SEPTIN9: variants seen among roughly 807,000 people sequenced by gnomAD.
The protein encoded by SEPTIN9 is septin-9.
A neutral mutation model predicts 56.6 loss-of-function variants in SEPTIN9; 13 were observed. That is an observed-to-expected ratio of 0.23 (90% CI 0.15 to 0.37). The LOEUF (loss-of-function observed/expected upper bound fraction) is 0.37, where lower values mean the gene tolerates loss of function less well. Ranked by LOEUF, SEPTIN9 falls within the 10% of genes least tolerant of loss-of-function variation. SEPTIN9 has a pLI of 1.00. For missense variants in SEPTIN9, 650 were observed against 823.1 expected, an observed-to-expected ratio of 0.79 and a Z score of 2.57; for synonymous variants, 332 against 334.1, an observed-to-expected ratio of 0.99 and a Z score of 0.07.
intron 2 of SEPTIN9, among the ~76,000 whole-genome samples, chr17:77,328,571 G>T (rs887440174): frequency 6.6e-6 from 1 of 152,142 alleles, no homozygotes; most frequent in Non-Finnish European, 1.5e-5. Flanking sequence ...TCACCATGTT[G>T]GTCAGGCTGG....
chr17:77,388,574 G>A (rs1265679353), intron 2 of SEPTIN9, among the ~76,000 whole-genome samples: 1 of 152,110 alleles, frequency 6.6e-6, no homozygotes, highest in Non-Finnish European at 1.5e-5. Context: ...GTCATTCAGT[G>A]CCGGTCCTCC....
intron 3 of SEPTIN9, among the ~76,000 whole-genome samples, chr17:77,438,197 T>C (rs2037421053): frequency 6.6e-6 from 1 of 152,188 alleles, no homozygotes; most frequent in Admixed American, 6.5e-5. Flanking sequence ...ACGGAGCTGC[T>C]CCAGGCACTG....
In SEPTIN9 at chr17:77,307,143, G is replaced by A; in HGVS notation, c.22G>A (p.Gly8Ser). The A allele has an allele frequency of 6.2e-7, 1 of 1,613,928 alleles. No homozygotes were observed. MKKSYSGGTRTSSGRLRR... is the reference protein window; with the variant it reads MKKSYSGSTRTSSGRLRR... ...TTGCCCTTTGTCTCTGTCTTTAGGA[G>A]GCACGCGGACCTCCAGTGGCCGGCT... is the stretch of plus-strand genomic sequence containing the variant. Residue 8 changes from glycine (G) to serine (S), a missense_variant and splice_region_variant, in exon 2 of 12, where the codon GGC (glycine) becomes AGC (serine). By Grantham distance (56) the Gly-to-Ser change is moderately conservative (BLOSUM62 0). This residue lies in a region of SEPTIN9 where 317 missense variants were observed against 329.1 expected (regional missense o/e 0.96). Transcript: ENST00000427177.
At chr17:77,473,445 C>T (rs1271201608) in intron 3 of SEPTIN9, among the ~76,000 whole-genome samples, 1 of 152,154 alleles carries the variant, frequency 6.6e-6, no homozygotes, top group Non-Finnish European at 1.5e-5. Context: ...GTTGCCCAGG[C>T]TGGTCTTGAA....
rs1314652771 is a variant in SEPTIN9 at position 77,435,889 on chromosome 17, C to T, written c.721+33186C>T. Among the ~76,000 whole-genome samples, 2 of 152,234 alleles carry T rather than the reference C, an allele frequency of 1.3e-5. No individual in the cohort carries two copies. The highest frequency in any genetic ancestry group is 4.8e-5 in the African/African-American group (2 of 41,464). ...CCCTGCCTCTGTGTAATCCCTAAAG[C>T]ACGGACTTCTTAGGGGCTTCCATTC... On this transcript the variant is annotated intron_variant, in intron 3 of 11. Coordinates refer to ENST00000427177, the MANE Select transcript of SEPTIN9 (RefSeq NM_001113491.2). This position sits in a 1 kb window ranked among gnomAD's most constrained non-coding sequence, Gnocchi z 4.5.
chr17:77,460,028 G>A (rs2038393203), intron 3 of SEPTIN9, among the ~76,000 whole-genome samples: 2 of 151,972 alleles, frequency 1.3e-5, no homozygotes, highest in Admixed American at 6.6e-5. Flanking sequence ...CGTGGGGAGG[G>A]CACCAAACCA....
intron 2 of SEPTIN9, among the ~76,000 whole-genome samples, chr17:77,348,092 A>G (rs1367777174): frequency 6.6e-6 from 1 of 152,116 alleles, no homozygotes; most frequent in Non-Finnish European, 1.5e-5. Flanking sequence ...TAGATAGTAT[A>G]TAGTTGAGTC....
rs546283819 is a variant in SEPTIN9, at chr17:77,499,236, G to A, written c.*578G>A. 1.4e-5 allele frequency: 8 copies of A among 588,698 alleles called. No individual in the cohort carries two copies. Among genetic ancestry groups the A allele is most frequent in the African/African-American group, 9.0e-5 (5 of 55,454 alleles). The allele number at this position is 588,698 out of a possible 1,614,324, so 36.5% of individuals were successfully genotyped here. On this transcript the variant is annotated 3_prime_UTR_variant, in exon 12 of 12. Coordinates refer to ENST00000427177, the MANE Select transcript of SEPTIN9 (RefSeq NM_001113491.2). ...ACTCCAGGGTCCCCTGCCACCGACTGCCCAGCCACTCCAAGCCCCCTGGCA... is the reference window on the plus strand; with the variant it reads ...ACTCCAGGGTCCCCTGCCACCGACTACCCAGCCACTCCAAGCCCCCTGGCA...
chr17:77,304,171 G>C (rs1269122212), intron 1 of SEPTIN9, among the ~76,000 whole-genome samples: 1 of 152,186 alleles, frequency 6.6e-6, no homozygotes, highest in Non-Finnish European at 1.5e-5. Context: ...CGTGGCCAGA[G>C]GTCCCTTCCT....
chr17:77,336,531 G>C (rs1214947922), intron 2 of SEPTIN9, among the ~76,000 whole-genome samples: 1 of 152,124 alleles, frequency 6.6e-6, no homozygotes, highest in Non-Finnish European at 1.5e-5. Flanking sequence ...AGCTGAAATA[G>C]ATTTTAAATT....
At chr17:77,460,754 C>T (rs749222271) in intron 3 of SEPTIN9, among the ~76,000 whole-genome samples, 2 of 152,174 alleles carry the variant, frequency 1.3e-5, no homozygotes, top group South Asian at 2.1e-4. Flanking sequence ...TCACTGCTGC[C>T]GCTATGCACA....
rs146141692 is a variant in SEPTIN9, at chr17:77,394,165, C to T, written c.77-7894C>T. On this transcript the variant is annotated intron_variant, in intron 2 of 11. Transcript: ENST00000427177. ...TTGCAACTGGACCCCACTCTGCCAG[C>T]GCCAAGGCCCTGCCTGACTACCCAC... 6.4e-3 allele frequency among the ~76,000 whole-genome samples: 980 copies of T among 152,254 alleles called. 9 individuals carry two copies. Among genetic ancestry groups the T allele is most frequent in the African/African-American group, 0.021 (883 of 41,552 alleles).
chr17:77,291,627 C>T (rs903925116), intron 1 of SEPTIN9, among the ~76,000 whole-genome samples: 19 of 152,046 alleles, frequency 1.2e-4, no homozygotes, highest in African/African-American at 3.1e-4. Context: ...AGTGAAACTC[C>T]GTCTCAAAAA....
intron 2 of SEPTIN9, among the ~76,000 whole-genome samples, chr17:77,365,689 G>A (rs2034550697): frequency 6.6e-6 from 1 of 152,138 alleles, no homozygotes; most frequent in South Asian, 2.1e-4. Flanking sequence ...GGGTTGCCAG[G>A]CCGCCACTCC....
chr17:77,360,157 CA>C (rs59677016), intron 2 of SEPTIN9, among the ~76,000 whole-genome samples: 33,561 of 120,694 alleles, frequency 0.28, 4,184 homozygotes, highest in East Asian at 0.63. Flanking sequence ...AACTCTGTCT[CA>C]AAAAAAAAAA....
Position 77,402,547 on chromosome 17 carries a change from G to A in SEPTIN9, c.565G>A (p.Glu189Lys). 2 of 1,609,284 alleles carry A rather than the reference G, an allele frequency of 1.2e-6. No homozygotes were observed. Among genetic ancestry groups the A allele is most frequent in the Non-Finnish European group, 1.7e-6 (2 of 1,178,270 alleles). Residue 189 changes from glutamate to lysine, a missense_variant, in exon 3 of 12, where the codon GAG becomes AAG. Physicochemically the swap from Glu to Lys is moderately conservative, Grantham distance 56. Coordinates refer to ENST00000427177, the MANE Select transcript of SEPTIN9 (RefSeq NM_001113491.2). The surrounding 1 kb of genome is among the most constrained non-coding windows in gnomAD (Gnocchi z 6.6). ...PATDAAPKRV[E>K]IQMPKPAEAP... ...CACCGACGCAGCCCCCAAGAGGGTGGAGATCCAGATGCCCAAGCCTGCTGA... is the reference window on the plus strand; with the variant it reads ...CACCGACGCAGCCCCCAAGAGGGTGAAGATCCAGATGCCCAAGCCTGCTGA...
intron 3 of SEPTIN9, among the ~76,000 whole-genome samples, chr17:77,416,726 GGCAGGTTGT>G (rs1012385690): frequency 6.6e-6 from 1 of 152,208 alleles, no homozygotes; most frequent in African/African-American, 2.4e-5. Flanking sequence ...CCTGCTGGGT[GGCAGGTTGT>G]CCACCCTCGC....
chr17:77,380,041 A>C (rs2035080969), intron 2 of SEPTIN9: 1 of 156,520 alleles, frequency 6.4e-6, no homozygotes, highest in African/African-American at 2.4e-5. Context: ...CAGACCCACC[A>C]GTTGGCCCCT....
Position 77,281,546 on chromosome 17 carries a change from C to G in SEPTIN9, c.11C>G (p.Ser4Cys), listed in dbSNP as rs533039599. 1.3e-6 allele frequency: 2 copies of G among 1,549,580 alleles called. No homozygotes were observed. Among genetic ancestry groups the G allele is most frequent in the African/African-American group, 2.8e-5 (2 of 72,312 alleles). The change falls in exon 1 of 12, where the codon TCT becomes TGT. Residue 4 changes from serine to cysteine, a missense_variant. Transcript: ENST00000427177. ...GGCCACGGAGGCACCATGAAGAAGT[C>G]TTACTCAGGTGGGCTTCGCGCCCGG... Reference protein sequence around the residue: MKKSYSGGTRTSSG... With the variant: MKKCYSGGTRTSSG...
Sources: allele counts gnomAD v4.1 joint callset (sites outside exome capture counted in the v4.1 genomes callset), GRCh38; gene constraint gnomAD v4.1.1; regional missense constraint gnomAD v4.1.1; non-coding constraint Gnocchi (gnomAD v3.1); transcripts MANE v1.5; gene names NCBI Gene and HGNC (gene_info 2026-07-23, HGNC 2026-07-21).